The following LDAH variants were observed in gnomAD, a reference collection of about 807,000 sequenced individuals.
LDAH encodes the protein lipid droplet-associated hydrolase.
A neutral mutation model predicts 29.6 loss-of-function variants in LDAH; 26 were observed. The observed-to-expected ratio is 0.88, with a 90% CI of 0.64 to 1.22. LDAH has a LOEUF of 1.22. LDAH is among the 50% of genes most tolerant of loss of function. The pLI is 0.00. For missense variants in LDAH, 344 were observed against 387.3 expected (o/e 0.89, Z 0.94); for synonymous variants, 117 against 133.0 (o/e 0.88, Z 0.83).
chr2:20,721,297 C>G (rs188446673), intron 5 of LDAH, among the ~76,000 whole-genome samples: 22 of 152,170 alleles, frequency 1.4e-4, no homozygotes, highest in Admixed American at 1.3e-3. Flanking sequence ...GACAAATAAT[C>G]TGAATAAAAC....
chr2:20,741,278 G>C (rs1034472161), intron 4 of LDAH, among the ~76,000 whole-genome samples: 22 of 152,166 alleles, frequency 1.4e-4, no homozygotes, highest in Non-Finnish European at 1.6e-4. Flanking sequence ...ATGAAGTTCA[G>C]CTTATCTGTT....
In LDAH at chr2:20,812,135, TCAAGAAA is replaced by T. The variant is rs1315716559; in HGVS notation, c.-2-10677_-2-10671del. On this transcript the variant is annotated intron_variant, in intron 1 of 6. Transcript: ENST00000237822. ...ATTAGTTACAAATGTAGTTTAAGTT[TCAAGAAA>T]ATAAGGAACAAGGCCAGAAGACAAT... Among the ~76,000 whole-genome samples, 3 of 152,118 alleles carry T rather than the reference TCAAGAAA, an allele frequency of 2.0e-5. No homozygotes were observed. In the East Asian group the frequency reaches 5.8e-4, roughly 29 times the overall value.
Position 20,817,448 on chromosome 2 carries a change from A to G in LDAH, c.-3+5589T>C, listed in dbSNP as rs1385288683. ...AAACTACAACACATCTCTCATACCT[A>G]TACCTTAACCTCTCACACCTCTCTA... On this transcript the variant is annotated intron_variant, in intron 1 of 6. Coordinates refer to ENST00000237822, the MANE Select transcript of LDAH (RefSeq NM_021925.4). 2.0e-5 allele frequency among the ~76,000 whole-genome samples: 3 copies of G among 152,104 alleles called. No individual in the cohort carries two copies. The East Asian group carries it at 5.8e-4, about 29-fold the overall frequency.
intron 1 of LDAH, among the ~76,000 whole-genome samples, chr2:20,810,661 G>A (rs979972393): frequency 6.6e-6 from 1 of 152,174 alleles, no homozygotes; most frequent in Non-Finnish European, 1.5e-5. Flanking sequence ...GATAAGAACT[G>A]AGAATGCTTT....
At chr2:20,707,664 G>A (rs1664412181) in intron 5 of LDAH, among the ~76,000 whole-genome samples, 1 of 152,202 alleles carries the variant, frequency 6.6e-6, no homozygotes, top group African/African-American at 2.4e-5. Context: ...ATTTTGAGAA[G>A]CTGGGTGAAG....
chr2:20,687,120 A>G (rs1662618336), intron 6 of LDAH, 26 bp from the exon 7 acceptor site: 17 of 1,584,386 alleles, frequency 1.1e-5, no homozygotes, highest in South Asian at 3.4e-5. Flanking sequence ...AAAACCTTTT[A>G]TTAGAAAACA....
At chr2:20,764,440 TTCCTTCATAG>T (rs1393711455) in intron 4 of LDAH, among the ~76,000 whole-genome samples, 1 of 152,228 alleles carries the variant, frequency 6.6e-6, no homozygotes, top group Non-Finnish European at 1.5e-5. Context: ...ATCCTCCAAT[TTCCTTCATAG>T]TCCTTCTGTT....
At chr2:20,783,449 C>T (rs1313999844) in intron 3 of LDAH, among the ~76,000 whole-genome samples, 1 of 152,130 alleles carries the variant, frequency 6.6e-6, no homozygotes, top group Non-Finnish European at 1.5e-5. Context: ...TCAGTTTTGC[C>T]TCCTGCATTC....
At chr2:20,752,472 A>G (rs1233159839) in intron 4 of LDAH, among the ~76,000 whole-genome samples, 3 of 152,242 alleles carry the variant, frequency 2.0e-5, no homozygotes, top group Admixed American at 2.0e-4. Context: ...TCAAGTGTCA[A>G]TGGCAATGTA....
intron 4 of LDAH, among the ~76,000 whole-genome samples, chr2:20,761,912 GA>G (rs1572571031): frequency 6.7e-6 from 1 of 150,158 alleles, no homozygotes; most frequent in East Asian, 1.9e-4. Context: ...CTATAATAGT[GA>G]ATAAATATAT....
Position 20,684,969 on chromosome 2 carries a change from A to G in LDAH, c.*1934T>C. ...AAGGTGGCTTTTCACTTTAAAAGAGAGACTTTGAGCCGAGTCTAACTCAGG... is the reference window on the plus strand; with the variant it reads ...AAGGTGGCTTTTCACTTTAAAAGAGGGACTTTGAGCCGAGTCTAACTCAGG... On this transcript the variant is annotated 3_prime_UTR_variant, in exon 7 of 7. Coordinates refer to ENST00000237822, the MANE Select transcript of LDAH (RefSeq NM_021925.4). The G allele has an allele frequency of 1.9e-6, 3 of 1,547,810 alleles. No individual in the cohort carries two copies. Among genetic ancestry groups the G allele is most frequent in the Non-Finnish European group, 2.6e-6 (3 of 1,145,884 alleles).
chr2:20,770,979 T>C (rs1669371822), intron 4 of LDAH, among the ~76,000 whole-genome samples: 2 of 152,244 alleles, frequency 1.3e-5, no homozygotes, highest in South Asian at 4.1e-4. Context: ...TGTTTATTAT[T>C]GTAAGTCATG....
At chr2:20,791,485 C>T (rs1670944778) in intron 2 of LDAH, among the ~76,000 whole-genome samples, 2 of 152,198 alleles carry the variant, frequency 1.3e-5, no homozygotes, top group South Asian at 2.1e-4. Flanking sequence ...TAATATACAA[C>T]GGCCGTAGCA....
chr2:20,761,854 C>A (rs1254842170), intron 4 of LDAH, among the ~76,000 whole-genome samples: 3 of 150,712 alleles, frequency 2.0e-5, no homozygotes, highest in African/African-American at 7.3e-5. Flanking sequence ...GAACAAATCA[C>A]CTTAAAAGAA....
intron 4 of LDAH, among the ~76,000 whole-genome samples, chr2:20,770,422 T>C (rs1395088655): frequency 1.3e-5 from 2 of 152,210 alleles, no homozygotes; most frequent in Non-Finnish European, 2.9e-5. Flanking sequence ...AAAGTTATAT[T>C]AATTAAAGTT....
At chr2:20,723,900 CT>C (rs1234608429) in intron 5 of LDAH, among the ~76,000 whole-genome samples, 1 of 152,142 alleles carries the variant, frequency 6.6e-6, no homozygotes, top group Non-Finnish European at 1.5e-5. Context: ...TAATTCTTTA[CT>C]TTTGCTCCAT....
intron 1 of LDAH, among the ~76,000 whole-genome samples, chr2:20,812,278 A>T (rs1416406881): frequency 6.6e-6 from 1 of 152,200 alleles, no homozygotes. Context: ...CCAGTCCTCA[A>T]TGGGAACCTT....
At chr2:20,799,993 T>C (rs1348589962) in intron 2 of LDAH, among the ~76,000 whole-genome samples, 1 of 152,168 alleles carries the variant, frequency 6.6e-6, no homozygotes, top group Non-Finnish European at 1.5e-5. Context: ...CAGTTAGCAT[T>C]GCAAGGCAGT....
At chr2:20,690,900 A>G (rs1473540238) in intron 6 of LDAH, among the ~76,000 whole-genome samples, 2 of 152,130 alleles carry the variant, frequency 1.3e-5, no homozygotes, top group African/African-American at 4.8e-5. Context: ...CCTCACAACA[A>G]TACTCTAAGG....
Sources: allele counts gnomAD v4.1 joint callset (sites outside exome capture counted in the v4.1 genomes callset), GRCh38; gene constraint gnomAD v4.1.1; transcripts MANE v1.5; gene names NCBI Gene and HGNC (gene_info 2026-07-23, HGNC 2026-07-21).